The following YEATS2 variants were observed in gnomAD, a reference collection of about 807,000 sequenced individuals.
The protein encoded by YEATS2 is YEATS domain-containing protein 2.
YEATS2 carries 77 observed loss-of-function variants against 163.2 expected under a neutral mutation model. That is an observed-to-expected ratio of 0.47 (90% CI 0.39 to 0.57). YEATS2 has a LOEUF of 0.57. Ranked by LOEUF, YEATS2 falls within the 20% of genes least tolerant of loss-of-function variation. The pLI, the probability that YEATS2 is intolerant of heterozygous loss-of-function variation, is 0.00. For missense variants in YEATS2, 1,549 were observed against 1,729.8 expected (o/e 0.90, Z 1.85); for synonymous variants, 631 against 645.1 (o/e 0.98, Z 0.33).
intron 7 of YEATS2, among the ~76,000 whole-genome samples, chr3:183,734,534 T>A (rs1393593018): frequency 6.6e-6 from 1 of 152,238 alleles, no homozygotes; most frequent in African/African-American, 2.4e-5. Flanking sequence ...GGAACAGAGA[T>A]GTTCATTCCG....
chr3:183,793,146 G>T (rs1008206230), intron 21 of YEATS2: 2 of 1,288,688 alleles, frequency 1.6e-6, no homozygotes, highest in African/African-American at 3.0e-5. Flanking sequence ...GGCTGGCACT[G>T]GTCTACCGGA....
intron 6 of YEATS2, among the ~76,000 whole-genome samples, chr3:183,726,290 C>T (rs1438392184): frequency 1.3e-5 from 2 of 152,160 alleles, no homozygotes; most frequent in African/African-American, 4.8e-5. Flanking sequence ...TGAACCAGTT[C>T]TGTCTTTAGG....
Position 183,807,282 on chromosome 3 carries a change from A to G in YEATS2, c.4011+190A>G, listed in dbSNP as rs746992745. ...ACCCAGGTGTGCTCTCAGGGCTCCC[A>G]CCGTCCCACATCAGAGCCCTTGGGC... On this transcript the variant is annotated intron_variant, in intron 28 of 30. Coordinates refer to ENST00000305135, the MANE Select transcript of YEATS2 (RefSeq NM_018023.5). The G allele has an allele frequency of 8.5e-6, 5 of 585,572 alleles. No homozygotes were observed. In the Admixed American group the frequency reaches 9.1e-5, roughly 11 times the overall value. 36.3% of individuals were successfully genotyped at this position (585,572 alleles called of 1,614,324 possible).
In YEATS2 at chr3:183,771,391, A is replaced by T. The variant is rs574509330; in HGVS notation, c.1948-914A>T. ...CCAGTTTGCCATTCATTCAGTGTTT[A>T]ATTTAACATCCTACTGTTGACTTTG... On this transcript the variant is annotated intron_variant, in intron 15 of 30. Coordinates refer to ENST00000305135, the MANE Select transcript of YEATS2 (RefSeq NM_018023.5). 3.9e-5 allele frequency among the ~76,000 whole-genome samples: 6 copies of T among 152,088 alleles called. No individual in the cohort carries two copies. The South Asian group carries it at 1.2e-3, about 32-fold the overall frequency.
At chr3:183,795,838 G>A (rs1391397568) in intron 21 of YEATS2, among the ~76,000 whole-genome samples, 4 of 152,054 alleles carry the variant, frequency 2.6e-5, no homozygotes, top group Non-Finnish European at 5.9e-5. Flanking sequence ...ATTACTACCT[G>A]ATGATTTAAC....
chr3:183,734,469 TCATAGCAAACAGTGAAA>T (rs1718130879), intron 7 of YEATS2, among the ~76,000 whole-genome samples: 1 of 152,214 alleles, frequency 6.6e-6, no homozygotes, highest in African/African-American at 2.4e-5. Flanking sequence ...ACTGATTGGG[TCATAGCAAACAGTGAAA>T]CGTAGGAATG....
intron 15 of YEATS2, among the ~76,000 whole-genome samples, 169 bp from the exon 16 acceptor site, chr3:183,772,136 A>G (rs1265193069): frequency 6.6e-6 from 1 of 152,180 alleles, no homozygotes; most frequent in Non-Finnish European, 1.5e-5. Context: ...TGTAATACCC[A>G]AGTGTAAGAA....
At chr3:183,756,395 G>GCAGTA in intron 11 of YEATS2, 133 bp from the exon 12 acceptor site, 1 of 762,154 alleles carries the variant, frequency 1.3e-6, no homozygotes, top group Non-Finnish European at 2.0e-6. Context: ...CCGGGAGCAC[G>GCAGTA]CAGTATCCAT....
intron 8 of YEATS2, among the ~76,000 whole-genome samples, chr3:183,740,878 T>A (rs1329701268): frequency 6.6e-6 from 1 of 152,168 alleles, no homozygotes; most frequent in Non-Finnish European, 1.5e-5. Context: ...AGAGGAGAAG[T>A]CAATGCCTGG....
chr3:183,759,586 A>G (rs1173779667), intron 13 of YEATS2, among the ~76,000 whole-genome samples: 2 of 152,208 alleles, frequency 1.3e-5, no homozygotes, highest in Non-Finnish European at 2.9e-5. Context: ...TAAAAATATA[A>G]AAACATTCAT....
chr3:183,802,819 C>G (rs1259292559), intron 25 of YEATS2: 1 of 154,626 alleles, frequency 6.5e-6, no homozygotes, highest in Non-Finnish European at 1.4e-5. Context: ...AGTCCCAGCT[C>G]CTCGGGAGGC....
At chr3:183,736,676 G>T in intron 7 of YEATS2, 42 bp from the exon 8 acceptor site, 1 of 1,503,854 alleles carries the variant, frequency 6.6e-7, no homozygotes, top group South Asian at 1.2e-5. Flanking sequence ...TAGGATGAGA[G>T]AGTGAACATG....
At chr3:183,725,866 G>A (rs1208028319) in intron 6 of YEATS2, among the ~76,000 whole-genome samples, 1 of 152,216 alleles carries the variant, frequency 6.6e-6, no homozygotes, top group African/African-American at 2.4e-5. Context: ...ATGGGAGGAT[G>A]TAAGTGTGAT....
In YEATS2 at chr3:183,798,849, T is replaced by C. The variant is rs201210157; in HGVS notation, c.3227-42T>C. ...AGTAGATCACCCTCATTAAAAATAA[T>C]TTTTGTATTTGTTATATCCCTCCCT... On this transcript the variant is annotated intron_variant, in intron 22 of 30. Coordinates refer to ENST00000305135, the MANE Select transcript of YEATS2 (RefSeq NM_018023.5). The C allele has an allele frequency of 1.7e-5, 25 of 1,486,856 alleles. No homozygotes were observed. In the Admixed American group the frequency reaches 3.2e-4, roughly 19 times the overall value. 92.1% of individuals were successfully genotyped at this position (1,486,856 alleles called of 1,614,324 possible).
At chr3:183,716,609 T>C (rs976757402) in intron 2 of YEATS2, among the ~76,000 whole-genome samples, 1 of 152,204 alleles carries the variant, frequency 6.6e-6, no homozygotes, top group African/African-American at 2.4e-5. Flanking sequence ...TAGAGTGTTA[T>C]GTAACTTAAT....
intron 15 of YEATS2, among the ~76,000 whole-genome samples, chr3:183,765,260 T>G (rs910228212): frequency 6.6e-6 from 1 of 152,254 alleles, no homozygotes; most frequent in Admixed American, 6.5e-5. Flanking sequence ...GTGGCTTTAC[T>G]GATTTCTGCT....
chr3:183,714,794 A>G (rs1446174772), intron 1 of YEATS2, among the ~76,000 whole-genome samples: 1 of 151,984 alleles, frequency 6.6e-6, no homozygotes, highest in Admixed American at 6.6e-5. Context: ...TCCTTTCCTT[A>G]TGAGGGCTCT....
intron 6 of YEATS2, among the ~76,000 whole-genome samples, chr3:183,726,465 A>G (rs1717109436): frequency 6.6e-6 from 1 of 152,146 alleles, no homozygotes; most frequent in African/African-American, 2.4e-5. Flanking sequence ...CAGCTTCATC[A>G]TTTTTGCCAA....
intron 26 of YEATS2, 172 bp from the exon 27 acceptor site, chr3:183,803,815 T>G (rs2278968): frequency 0.32 from 212,840 of 656,158 alleles, 37,966 homozygotes; most frequent in East Asian, 0.45. Flanking sequence ...GTATTAGCAT[T>G]AGGGAAGTTC....
Sources: gnomAD v4.1 joint callset for allele counts (sites outside exome capture counted in the v4.1 genomes callset) on GRCh38, gnomAD v4.1.1 for gene constraint, MANE v1.5 for transcripts, NCBI Gene and HGNC (gene_info 2026-07-23, HGNC 2026-07-21) for gene names.